Variants in ABTB2 observed in about 807,000 individuals in gnomAD.
ABTB2 encodes ankyrin repeat and BTB/POZ domain-containing protein 2.
A neutral mutation model predicts 104.1 loss-of-function variants in ABTB2; 56 were observed. That is an observed-to-expected ratio of 0.54 (90% CI 0.43 to 0.67). The LOEUF (loss-of-function observed/expected upper bound fraction) is 0.67, where lower values mean the gene tolerates loss of function less well. ABTB2 is among the 30% of genes least tolerant of loss of function. The pLI is 0.00. For missense variants in ABTB2, 1,279 were observed against 1,407.7 expected, an observed-to-expected ratio of 0.91 and a Z score of 1.46; for synonymous variants, 606 against 608.2, an observed-to-expected ratio of 1.00 and a Z score of 0.05.
At position 34,357,699 on chromosome 11, in the gene ABTB2, G is replaced by C; in HGVS notation, c.-116C>G. ...CTCCGGGCCACCCTCCTTCCTCTCTGCGTCGCGGGGCTCGGCGGCCGCATT... is the reference window on the plus strand; with the variant it reads ...CTCCGGGCCACCCTCCTTCCTCTCTCCGTCGCGGGGCTCGGCGGCCGCATT... On this transcript the variant is annotated 5_prime_UTR_variant, in exon 1 of 17. Coordinates refer to ENST00000435224, the MANE Select transcript of ABTB2 (RefSeq NM_145804.3). The C allele has an allele frequency of 8.7e-7, 1 of 1,149,454 alleles. No homozygotes were observed. Among genetic ancestry groups the C allele is most frequent in the South Asian group, 2.4e-5 (1 of 41,272 alleles). The allele number at this position is 1,149,454 out of a possible 1,614,324, so 71.2% of individuals were successfully genotyped here. A position where few individuals can be genotyped will look rare whatever the true frequency, so the allele number is the denominator to read the frequency against.
chr11:34,346,628 A>G (rs1855335532), intron 1 of ABTB2, among the ~76,000 whole-genome samples: 1 of 152,174 alleles, frequency 6.6e-6, no homozygotes, highest in Admixed American at 6.5e-5. Context: ...CCTTAGGAAA[A>G]TGACTGCACA....
intron 9 of ABTB2, among the ~76,000 whole-genome samples, chr11:34,163,280 AG>A (rs533952736): frequency 6.6e-6 from 1 of 152,342 alleles, no homozygotes; most frequent in South Asian, 2.1e-4. Flanking sequence ...TCTAAAACAC[AG>A]GAAGAGCCCA....
At position 34,159,952 on chromosome 11, in the gene ABTB2, T is replaced by C; in HGVS notation, c.2560A>G (p.Lys854Glu). Residue 854 changes from lysine to glutamate, a missense_variant, in exon 13 of 17, where the codon AAG becomes GAG. Lys to Glu is a moderately conservative substitution (Grantham distance 56). Transcript: ENST00000435224. ...MSDVTFLVEGKLFYAHKVLLV... is the reference protein window; with the variant it reads ...MSDVTFLVEGELFYAHKVLLV... ...AGGACTTTATGTGCATAAAACAGCT[T>C]TCCTTCCACCAGGAAGGTCACATCT... 1 of 1,614,098 alleles carries C rather than the reference T, an allele frequency of 6.2e-7. No individual in the cohort carries two copies. Among genetic ancestry groups the C allele is most frequent in the South Asian group, 1.1e-5 (1 of 91,076 alleles).
In ABTB2 at chr11:34,204,647, C is replaced by A. The variant is rs144436022; in HGVS notation, c.927G>T (p.Gly309=). ...LPAYFSPYNG[G]SLGHDERADA... ...CGGCTCGCTCGTCATGGCCCAGGGA[C>A]CCGCCGTTGTAGGGGCTGAAGTATG... Residue 309 remains glycine (G), a synonymous_variant, in exon 2 of 17, where the codon GGG becomes GGT. Coordinates refer to ENST00000435224, the MANE Select transcript of ABTB2 (RefSeq NM_145804.3). 1,082 of 1,613,738 alleles carry A rather than the reference C, an allele frequency of 6.7e-4. 1 individual carries two copies. The highest frequency in any genetic ancestry group is 8.5e-4 in the Non-Finnish European group (1,008 of 1,179,916).
At chr11:34,346,620 TTAGGAAAATG>T (rs1289480743) in intron 1 of ABTB2, among the ~76,000 whole-genome samples, 4 of 152,188 alleles carry the variant, frequency 2.6e-5, no homozygotes, top group African/African-American at 9.7e-5. Context: ...GCGCTCGACC[TTAGGAAAATG>T]ACTGCACAGT....
Position 34,172,110 on chromosome 11 carries a change from C to T in ABTB2, c.1398-1039G>A, listed in dbSNP as rs148357522. On this transcript the variant is annotated intron_variant, in intron 4 of 16. Transcript: ENST00000435224. ...ATATAAGGCCAGGAGCAGTGGCTCACGCCTGTAATCCCAGCACTTTGGGAG... is the reference window on the plus strand; with the variant it reads ...ATATAAGGCCAGGAGCAGTGGCTCATGCCTGTAATCCCAGCACTTTGGGAG... 2.6e-3 allele frequency among the ~76,000 whole-genome samples: 394 copies of T among 152,020 alleles called. 2 individuals carry two copies. Among genetic ancestry groups the T allele is most frequent in the African/African-American group, 8.4e-3 (347 of 41,460 alleles).
chr11:34,194,918 A>C (rs1853230111), intron 3 of ABTB2, among the ~76,000 whole-genome samples: 1 of 152,034 alleles, frequency 6.6e-6, no homozygotes, highest in Non-Finnish European at 1.5e-5. Context: ...CTACGTAAAC[A>C]CATGCACGTG....
chr11:34,347,740 T>C (rs948880093), intron 1 of ABTB2, among the ~76,000 whole-genome samples: 8 of 151,890 alleles, frequency 5.3e-5, no homozygotes, highest in Non-Finnish European at 8.8e-5. Flanking sequence ...TTTAATATGC[T>C]TGAAATCTTT....
chr11:34,330,075 C>G (rs1855111708), intron 1 of ABTB2, among the ~76,000 whole-genome samples: 1 of 152,174 alleles, frequency 6.6e-6, no homozygotes, highest in South Asian at 2.1e-4. Context: ...CTTAGATAAA[C>G]AGGTCTTGGG....
Position 34,356,652 on chromosome 11 carries a change from C to G in ABTB2, c.883+49G>C, listed in dbSNP as rs139311601. The G allele has an allele frequency of 6.7e-7, 1 of 1,494,992 alleles. No homozygotes were observed. Among genetic ancestry groups the G allele is most frequent in the African/African-American group, 1.4e-5 (1 of 72,122 alleles). 92.6% of individuals were successfully genotyped at this position (1,494,992 alleles called of 1,614,324 possible). ...AATTCACTCCCCCAGTAGCCCAGGGCGGGATTTCTTGCCTACCCAGTCTGC... is the reference window on the plus strand; with the variant it reads ...AATTCACTCCCCCAGTAGCCCAGGGGGGGATTTCTTGCCTACCCAGTCTGC... On this transcript the variant is annotated intron_variant, in intron 1 of 16. Coordinates refer to ENST00000435224, the MANE Select transcript of ABTB2 (RefSeq NM_145804.3). This position sits in a 1 kb window ranked among gnomAD's most constrained non-coding sequence, Gnocchi z 4.6.
chr11:34,282,819 A>T (rs1373487595), intron 1 of ABTB2, among the ~76,000 whole-genome samples: 1 of 151,932 alleles, frequency 6.6e-6, no homozygotes, highest in African/African-American at 2.4e-5. Context: ...AGCATGAGCC[A>T]CCGTGCCTGG....
chr11:34,153,062 G>A (rs1223134662), intron 16 of ABTB2, among the ~76,000 whole-genome samples: 2 of 152,152 alleles, frequency 1.3e-5, no homozygotes, highest in African/African-American at 4.8e-5. Flanking sequence ...CCAAAGACAA[G>A]GTAACTGCAG....
chr11:34,256,532 G>A (rs1411189509), intron 1 of ABTB2, among the ~76,000 whole-genome samples: 1 of 152,182 alleles, frequency 6.6e-6, no homozygotes, highest in African/African-American at 2.4e-5. Flanking sequence ...AAAGCTGTCC[G>A]GGGTTCTGAC....
Position 34,356,631 on chromosome 11 carries a change from C to A in ABTB2, c.883+70G>T. 1 of 1,456,636 alleles carries A rather than the reference C, an allele frequency of 6.9e-7. No homozygotes were observed. 90.2% of individuals were successfully genotyped at this position (1,456,636 alleles called of 1,614,324 possible). On this transcript the variant is annotated intron_variant, in intron 1 of 16. Coordinates refer to ENST00000435224, the MANE Select transcript of ABTB2 (RefSeq NM_145804.3). The surrounding 1 kb of genome is among the most constrained non-coding windows in gnomAD (Gnocchi z 4.6). ...GCCACCAGCTTTGTCTCAGGAAATT[C>A]ACTCCCCCAGTAGCCCAGGGCGGGA...
chr11:34,190,596 T>A (rs889505794), intron 3 of ABTB2, among the ~76,000 whole-genome samples: 2 of 152,188 alleles, frequency 1.3e-5, no homozygotes, highest in Non-Finnish European at 2.9e-5. Context: ...ACAGTATCTG[T>A]CTGTGAATGT....
At chr11:34,193,764 G>A (rs1355578999) in intron 3 of ABTB2, among the ~76,000 whole-genome samples, 1 of 152,234 alleles carries the variant, frequency 6.6e-6, no homozygotes, top group Non-Finnish European at 1.5e-5. Context: ...TCTGAGCCCA[G>A]GCCTCTGCCC....
chr11:34,205,651 T>C (rs1039081274), intron 1 of ABTB2, among the ~76,000 whole-genome samples: 1 of 152,046 alleles, frequency 6.6e-6, no homozygotes, highest in Non-Finnish European at 1.5e-5. Context: ...ATTTAATCAC[T>C]TTGGAGAAAA....
At chr11:34,170,792 G>A (rs112407742) in intron 5 of ABTB2, 114 bp downstream of exon 5, 10 of 1,330,224 alleles carry the variant, frequency 7.5e-6, no homozygotes, top group Middle Eastern at 2.5e-4. Flanking sequence ...CCGCCTTTTC[G>A]AAGTACAGAG....
chr11:34,254,152 G>A (rs1348462419), intron 1 of ABTB2, among the ~76,000 whole-genome samples: 1 of 152,058 alleles, frequency 6.6e-6, no homozygotes, highest in Non-Finnish European at 1.5e-5. Context: ...AACACCATAA[G>A]GAAGGTATTA....
Sources: allele counts gnomAD v4.1 joint callset (sites outside exome capture counted in the v4.1 genomes callset), GRCh38; gene constraint gnomAD v4.1.1; non-coding constraint Gnocchi (gnomAD v3.1); transcripts MANE v1.5; gene names NCBI Gene and HGNC (gene_info 2026-07-23, HGNC 2026-07-21).